Variants in CSMD1 observed in about 807,000 individuals in gnomAD.
CSMD1 encodes the protein CUB and Sushi multiple domains 1.
Under a neutral mutation model 417.5 loss-of-function variants are expected in CSMD1, and 213 were observed. That is an observed-to-expected ratio of 0.51 (90% CI 0.46 to 0.57). CSMD1 has a LOEUF of 0.57. CSMD1 is among the 20% of genes least tolerant of loss of function. CSMD1 has a pLI of 0.00. For synonymous variants in CSMD1, 2,862 were observed against 1,736.8 expected, an observed-to-expected ratio of 1.65 and a Z score of -16.11; for missense variants, 6,923 against 4,529.7, an observed-to-expected ratio of 1.53 and a Z score of -15.17.
intron 5 of CSMD1, among the ~76,000 whole-genome samples, chr8:3,939,003 A>G (rs972360489): frequency 1.3e-5 from 2 of 152,146 alleles, no homozygotes; most frequent in African/African-American, 2.4e-5. Flanking sequence ...GTGGGGTAGA[A>G]TATTACATGT....
chr8:4,367,352 A>G (rs1383468379), intron 3 of CSMD1, among the ~76,000 whole-genome samples: 2 of 152,216 alleles, frequency 1.3e-5, no homozygotes, highest in Non-Finnish European at 2.9e-5. Flanking sequence ...CAACTTTGTC[A>G]AAGATCACGT....
At chr8:4,603,318 A>G (rs867125595) in intron 2 of CSMD1, among the ~76,000 whole-genome samples, 14 of 152,084 alleles carry the variant, frequency 9.2e-5, no homozygotes, top group African/African-American at 3.1e-4. Flanking sequence ...ATTCAACTCT[A>G]TTTTATTAAG....
At chr8:4,609,283 C>A (rs1396792853) in intron 2 of CSMD1, among the ~76,000 whole-genome samples, 1 of 152,076 alleles carries the variant, frequency 6.6e-6, no homozygotes, top group Non-Finnish European at 1.5e-5. Context: ...TGCCTTTGGT[C>A]CCAGCTACTC....
intron 2 of CSMD1, among the ~76,000 whole-genome samples, chr8:4,431,464 G>T (rs1797868956): frequency 2.0e-5 from 3 of 151,976 alleles, no homozygotes; most frequent in Non-Finnish European, 4.4e-5. Flanking sequence ...AGGAGAGGAG[G>T]GCAGAGAGAG....
chr8:3,204,591 C>G (rs1797149909), intron 31 of CSMD1, among the ~76,000 whole-genome samples: 1 of 152,124 alleles, frequency 6.6e-6, no homozygotes, highest in Admixed American at 6.5e-5. Flanking sequence ...GCCCGGGAAT[C>G]ATGACACAAT....
At position 4,727,820 on chromosome 8, in the gene CSMD1, T is replaced by G. The variant is rs75652914; in HGVS notation, c.86-90262A>C. On this transcript the variant is annotated intron_variant, in intron 1 of 69. Transcript: ENST00000635120. ...TATATATGTTTGGTACATGTATATG[T>G]TTGGGATATATATATCTATTATATA... is the stretch of plus-strand genomic sequence containing the variant. Among the ~76,000 whole-genome samples, 1,530 of 150,754 alleles carry G rather than the reference T, an allele frequency of 0.01. 45 individuals carry two copies. In the East Asian group the frequency reaches 0.12, roughly 11 times the overall value.
At chr8:3,685,259 G>A (rs1368861782) in intron 7 of CSMD1, among the ~76,000 whole-genome samples, 3 of 152,246 alleles carry the variant, frequency 2.0e-5, no homozygotes, top group South Asian at 2.1e-4. Context: ...AGTTGCCTCA[G>A]GGCTAATTGT....
In CSMD1 at chr8:3,563,865, G is replaced by C. The variant is rs572385185; in HGVS notation, c.1344+11080C>G. Among the ~76,000 whole-genome samples the C allele has an allele frequency of 1.8e-4, 28 of 152,226 alleles. 1 individual carries two copies. The South Asian group carries it at 5.8e-3, about 32-fold the overall frequency. On this transcript the variant is annotated intron_variant, in intron 10 of 69. Coordinates refer to ENST00000635120, the MANE Select transcript of CSMD1 (RefSeq NM_033225.6). ...GAGTATGCCATCGCACTCCAGCCTA[G>C]GTGACAGAACTAGACTCCGTCTCAA...
intron 7 of CSMD1, among the ~76,000 whole-genome samples, chr8:3,681,900 A>G (rs189480508): frequency 6.6e-6 from 1 of 152,202 alleles, no homozygotes; most frequent in Admixed American, 6.5e-5. Flanking sequence ...ATCTACGACT[A>G]TCTGATCTTT....
intron 17 of CSMD1, among the ~76,000 whole-genome samples, chr8:3,390,580 A>T (rs1811291720): frequency 6.6e-6 from 1 of 152,114 alleles, no homozygotes; most frequent in Non-Finnish European, 1.5e-5. Context: ...GTGTATATTC[A>T]GAGTCTGTTC....
intron 3 of CSMD1, among the ~76,000 whole-genome samples, chr8:4,098,986 T>G (rs1242898881): frequency 2.0e-5 from 3 of 152,192 alleles, no homozygotes; most frequent in Non-Finnish European, 4.4e-5. Flanking sequence ...AGAATACACA[T>G]GAACTCTCTT....
At chr8:4,512,222 CA>C (rs1427093419) in intron 2 of CSMD1, among the ~76,000 whole-genome samples, 1 of 152,074 alleles carries the variant, frequency 6.6e-6, no homozygotes, top group East Asian at 1.9e-4. Context: ...AAGCAATTAA[CA>C]AAATCCAATA....
At chr8:3,686,775 G>A (rs982653222) in intron 7 of CSMD1, among the ~76,000 whole-genome samples, 2 of 152,180 alleles carry the variant, frequency 1.3e-5, no homozygotes, top group African/African-American at 4.8e-5. Context: ...ATCAGTGGCT[G>A]GTTGTAACTG....
chr8:4,144,762 G>C (rs1234786277), intron 3 of CSMD1, among the ~76,000 whole-genome samples: 1 of 151,056 alleles, frequency 6.6e-6, no homozygotes, highest in Non-Finnish European at 1.5e-5. Context: ...AGACATAGGA[G>C]AACAGGAATG....
At position 4,053,261 on chromosome 8, in the gene CSMD1, T is replaced by A. The variant is rs919426140; in HGVS notation, c.416-21162A>T. On this transcript the variant is annotated intron_variant, in intron 3 of 69. Transcript: ENST00000635120. ...TTAGAACTTAGACTACCAAGATTTATTCAAAGAAAAGTATTTTATCACTGA... is the reference window on the plus strand; with the variant it reads ...TTAGAACTTAGACTACCAAGATTTAATCAAAGAAAAGTATTTTATCACTGA... Among the ~76,000 whole-genome samples the A allele has an allele frequency of 4.5e-4, 69 of 152,330 alleles. 1 individual carries two copies. The highest frequency in any genetic ancestry group is 4.4e-3 in the Admixed American group (68 of 15,294).
intron 1 of CSMD1, among the ~76,000 whole-genome samples, chr8:4,984,704 A>C (rs1178379005): frequency 6.6e-6 from 1 of 152,196 alleles, no homozygotes; most frequent in East Asian, 1.9e-4. Context: ...ACTGGGCACA[A>C]AGCACAACCA....
chr8:4,587,268 G>A (rs1164778508), intron 2 of CSMD1, among the ~76,000 whole-genome samples: 1 of 152,072 alleles, frequency 6.6e-6, no homozygotes, highest in Non-Finnish European at 1.5e-5. Flanking sequence ...ACTGGGAACT[G>A]ATGCATAGTT....
At chr8:4,468,891 A>G (rs533310418) in intron 2 of CSMD1, among the ~76,000 whole-genome samples, 42 of 152,302 alleles carry the variant, frequency 2.8e-4, no homozygotes, top group African/African-American at 1.0e-3. Flanking sequence ...GAATTTTAGA[A>G]TATTTTGGCT....
chr8:4,709,661 AGATGAATGT>A (rs1257887036), intron 1 of CSMD1, among the ~76,000 whole-genome samples: 1 of 152,190 alleles, frequency 6.6e-6, no homozygotes, highest in Non-Finnish European at 1.5e-5. Flanking sequence ...TCTTCAGCAA[AGATGAATGT>A]TTAACCTACT....
Sources: gnomAD v4.1 joint callset for allele counts (sites outside exome capture counted in the v4.1 genomes callset) on GRCh38, gnomAD v4.1.1 for gene constraint, MANE v1.5 for transcripts, NCBI Gene and HGNC (gene_info 2026-07-23, HGNC 2026-07-21) for gene names.